CNBD1: variants seen among roughly 807,000 people sequenced by gnomAD.
CNBD1 encodes cyclic nucleotide-binding domain-containing protein 1.
CNBD1 carries 71 observed loss-of-function variants against 54.4 expected under a neutral mutation model. That is an observed-to-expected ratio of 1.30 (90% CI 1.08 to 1.59). The LOEUF is 1.59. CNBD1 is among the 40% of genes most tolerant of loss of function. The pLI is 0.00. For missense variants in CNBD1, 659 were observed against 518.0 expected (o/e 1.27, Z -2.64); for synonymous variants, 182 against 170.7 (o/e 1.07, Z -0.51).
rs531556003 is a variant in CNBD1, at chr8:86,949,061, T to C, written c.431+9307T>C. Among the ~76,000 whole-genome samples, 14 of 152,236 alleles carry C rather than the reference T, an allele frequency of 9.2e-5. No homozygotes were observed. In the South Asian group the frequency reaches 2.7e-3, roughly 29 times the overall value. ...CGTTGTCAAAAATGAGCTCACTGTA[T>C]ATATATGGATTTATTTGTGGGTTCT... On this transcript the variant is annotated intron_variant, in intron 4 of 10. Coordinates refer to ENST00000518476, the MANE Select transcript of CNBD1 (RefSeq NM_173538.3).
intron 4 of CNBD1, among the ~76,000 whole-genome samples, chr8:87,127,569 T>G (rs1268884821): frequency 1.3e-5 from 2 of 152,162 alleles, no homozygotes; most frequent in African/African-American, 4.8e-5. Flanking sequence ...TTCTTTGGAT[T>G]TTCTCCATGG....
At chr8:86,935,375 G>A (rs1809529180) in intron 3 of CNBD1, among the ~76,000 whole-genome samples, 1 of 152,080 alleles carries the variant, frequency 6.6e-6, no homozygotes, top group Non-Finnish European at 1.5e-5. Flanking sequence ...TCACCAATAG[G>A]ACCATTTTGA....
At chr8:87,243,076 T>C (rs1052937539) in intron 6 of CNBD1, among the ~76,000 whole-genome samples, 1 of 152,182 alleles carries the variant, frequency 6.6e-6, no homozygotes, top group African/African-American at 2.4e-5. Context: ...ATTTCCCAAA[T>C]ACAAAATATT....
intron 4 of CNBD1, among the ~76,000 whole-genome samples, chr8:86,968,042 AT>A (rs1314501062): frequency 6.6e-6 from 1 of 151,836 alleles, no homozygotes; most frequent in African/African-American, 2.4e-5. Context: ...GCTTCTGAGT[AT>A]TTTTCCCCCT....
At chr8:87,181,646 AT>A (rs925518897) in intron 4 of CNBD1, among the ~76,000 whole-genome samples, 1 of 152,116 alleles carries the variant, frequency 6.6e-6, no homozygotes, top group Admixed American at 6.6e-5. Context: ...AAAATTATTG[AT>A]CTTCAAAAAA....
chr8:87,425,589 C>T (rs1331187990), intron 2 of CNBD1, among the ~76,000 whole-genome samples: 1 of 152,046 alleles, frequency 6.6e-6, no homozygotes, highest in African/African-American at 2.4e-5. Context: ...TGTGAGGTGT[C>T]AGTGTGCCCC....
At chr8:87,349,749 C>T (rs1170518172) in intron 8 of CNBD1, among the ~76,000 whole-genome samples, 1 of 152,146 alleles carries the variant, frequency 6.6e-6, no homozygotes, top group East Asian at 1.9e-4. Flanking sequence ...GTATTGTCTT[C>T]ATTGAGATGA....
intron 6 of CNBD1, among the ~76,000 whole-genome samples, chr8:87,282,927 T>A (rs1043965122): frequency 3.9e-5 from 6 of 152,082 alleles, no homozygotes; most frequent in Non-Finnish European, 8.8e-5. Context: ...AAATGCATCT[T>A]TCAGTTTTGT....
chr8:86,979,402 C>CAAAAAAAAAAAA lies in CNBD1; in HGVS notation c.431+39663_431+39674dup, dbSNP rs776634552. Reference sequence around the variant, plus strand: ...GCAACATGGAGAAAAATCATCTCTACAAAAAAAAAAAAAAAAAAAAAAAAA... The same window carrying CAAAAAAAAAAAA: ...GCAACATGGAGAAAAATCATCTCTACAAAAAAAAAAAAAAAAAAAAAAAAAAAAAAAAAAAAA... On this transcript the variant is annotated intron_variant, in intron 4 of 10. Coordinates refer to ENST00000518476, the MANE Select transcript of CNBD1 (RefSeq NM_173538.3). Among the ~76,000 whole-genome samples, 5 of 10,390 alleles carry CAAAAAAAAAAAA rather than the reference C, an allele frequency of 4.8e-4. 2 individuals carry two copies. Among genetic ancestry groups the CAAAAAAAAAAAA allele is most frequent in the African/African-American group, 1.3e-3 (3 of 2,340 alleles). The allele number at this position is 10,390 out of a possible 152,430, so 6.8% of individuals were successfully genotyped here.
chr8:87,328,138 C>T (rs1434937775), intron 8 of CNBD1, among the ~76,000 whole-genome samples: 7 of 151,978 alleles, frequency 4.6e-5, no homozygotes, highest in Non-Finnish European at 8.8e-5. Context: ...CTTCCCCGTG[C>T]CCCCAATCCC....
At chr8:87,325,680 T>C (rs1800147753) in intron 8 of CNBD1, among the ~76,000 whole-genome samples, 1 of 140,910 alleles carries the variant, frequency 7.1e-6, no homozygotes, top group African/African-American at 2.7e-5. Context: ...ATCCTTTTAT[T>C]TTGAGCCCAT....
intron 8 of CNBD1, among the ~76,000 whole-genome samples, chr8:87,308,880 C>T (rs932005597): frequency 6.6e-6 from 1 of 152,082 alleles, no homozygotes; most frequent in African/African-American, 2.4e-5. Context: ...TTTAATATAC[C>T]GACCTCTAAT....
At chr8:87,148,983 A>G (rs1441283625) in intron 4 of CNBD1, among the ~76,000 whole-genome samples, 1 of 152,214 alleles carries the variant, frequency 6.6e-6, no homozygotes, top group African/African-American at 2.4e-5. Context: ...ATGAGGTCCC[A>G]GTTTTCTCAC....
chr8:87,076,675 C>A (rs1283360874), intron 4 of CNBD1, among the ~76,000 whole-genome samples: 3 of 152,118 alleles, frequency 2.0e-5, no homozygotes, highest in Non-Finnish European at 2.9e-5. Context: ...ATCTCCTGAC[C>A]TTGTGATCTG....
chr8:87,237,970 C>G (rs1807615829), intron 6 of CNBD1, among the ~76,000 whole-genome samples: 1 of 152,076 alleles, frequency 6.6e-6, no homozygotes, highest in Non-Finnish European at 1.5e-5. Context: ...TTTGCCATGT[C>G]AGTGACCACA....
At chr8:87,311,204 A>T (rs748970411) in intron 8 of CNBD1, among the ~76,000 whole-genome samples, 1 of 152,164 alleles carries the variant, frequency 6.6e-6, no homozygotes, top group Non-Finnish European at 1.5e-5. Context: ...AATATATCCA[A>T]CAAAGGTCTG....
At position 86,955,110 on chromosome 8, in the gene CNBD1, T is replaced by C. The variant is rs538858950; in HGVS notation, c.431+15356T>C. Among the ~76,000 whole-genome samples, 5 of 152,208 alleles carry C rather than the reference T, an allele frequency of 3.3e-5. No homozygotes were observed. The South Asian group carries it at 8.3e-4, about 25-fold the overall frequency. Reference sequence around the variant, plus strand: ...TTGGTGTTCTGTCCTTGCAATAGTTTGCTGAGAATGATGGTTTCCAGCTTC... The same window carrying C: ...TTGGTGTTCTGTCCTTGCAATAGTTCGCTGAGAATGATGGTTTCCAGCTTC... On this transcript the variant is annotated intron_variant, in intron 4 of 10. Transcript: ENST00000518476.
At chr8:87,055,237 C>T (rs779593323) in intron 4 of CNBD1, among the ~76,000 whole-genome samples, 25 of 152,226 alleles carry the variant, frequency 1.6e-4, no homozygotes, top group African/African-American at 2.2e-4. Context: ...GGGTCCTGGA[C>T]GGGTTGCCAT....
At chr8:87,368,472 C>T (rs990720315) in intron 10 of CNBD1, among the ~76,000 whole-genome samples, 4 of 151,624 alleles carry the variant, frequency 2.6e-5, no homozygotes, top group Non-Finnish European at 4.4e-5. Context: ...CCTGTCTGTA[C>T]AAAAAATAGT....
Sources: gnomAD v4.1 joint callset for allele counts (sites outside exome capture counted in the v4.1 genomes callset) on GRCh38, gnomAD v4.1.1 for gene constraint, MANE v1.5 for transcripts, NCBI Gene and HGNC (gene_info 2026-07-23, HGNC 2026-07-21) for gene names.